The following SLC24A3 variants were observed in gnomAD, a reference collection of about 807,000 sequenced individuals.
SLC24A3 encodes the protein solute carrier family 24 member 3.
SLC24A3 carries 28 observed loss-of-function variants against 75.8 expected under a neutral mutation model. The ratio of observed to expected loss-of-function variants is 0.37; its 90% CI spans 0.27 to 0.51. SLC24A3 has a LOEUF of 0.51. Ranked by LOEUF, SLC24A3 falls within the 20% of genes least tolerant of loss-of-function variation. The pLI, the probability that SLC24A3 is intolerant of heterozygous loss-of-function variation, is 0.94. For missense variants in SLC24A3, 663 were observed against 847.8 expected, an observed-to-expected ratio of 0.78 and a Z score of 2.71; for synonymous variants, 372 against 334.1, an observed-to-expected ratio of 1.11 and a Z score of -1.24.
intron 2 of SLC24A3, among the ~76,000 whole-genome samples, chr20:19,369,048 A>G (rs929894822): frequency 4.6e-5 from 7 of 152,236 alleles, no homozygotes; most frequent in Admixed American, 3.3e-4. Context: ...TCATCATCAT[A>G]ATTGTTTCAA....
At position 19,307,262 on chromosome 20, in the gene SLC24A3, G is replaced by T. The variant is rs543390983; in HGVS notation, c.271+26175G>T. Among the ~76,000 whole-genome samples the T allele has an allele frequency of 1.2e-4, 19 of 152,204 alleles. 1 individual carries two copies. Among genetic ancestry groups the T allele is most frequent in the African/African-American group, 4.6e-4 (19 of 41,516 alleles). ...TCATGCCTAATATTTATAGTACCGG[G>T]TGTGTGATCAATGCTCAATCAATGG... On this transcript the variant is annotated intron_variant, in intron 2 of 16. Transcript: ENST00000328041.
rs576978201 is a variant in SLC24A3, at chr20:19,367,166, G to T, written c.271+86079G>T. Among the ~76,000 whole-genome samples the T allele has an allele frequency of 3.9e-5, 6 of 152,366 alleles. No individual in the cohort carries two copies. The South Asian group carries it at 6.2e-4, about 16-fold the overall frequency. Reference sequence around the variant, plus strand: ...CACATTTACATTTAAATGGCCACATGTAGCTAGTAGCTCCCAAGTTGGACA... The same window carrying T: ...CACATTTACATTTAAATGGCCACATTTAGCTAGTAGCTCCCAAGTTGGACA... On this transcript the variant is annotated intron_variant, in intron 2 of 16. Transcript: ENST00000328041.
intron 2 of SLC24A3, among the ~76,000 whole-genome samples, chr20:19,446,185 C>T (rs1987380516): frequency 6.6e-6 from 1 of 152,128 alleles, no homozygotes; most frequent in South Asian, 2.1e-4. Context: ...GCAAAGAAAG[C>T]TTATTTTGAG....
At position 19,654,070 on chromosome 20, in the gene SLC24A3, T is replaced by G; in HGVS notation, c.621T>G (p.Ala207=). ...VCGLFAGQVV[A]LSSWCLLRDS... The stretch of plus-strand genomic sequence containing the variant: ...TTTCCCTTGTCCTGCAGGTTGTGGC[T>G]CTTTCCTCCTGGTGCCTGCTGAGGG... The change falls in exon 7 of 17, where the codon GCT becomes GCG. Residue 207 remains alanine, a synonymous_variant. Coordinates refer to ENST00000328041, the MANE Select transcript of SLC24A3 (RefSeq NM_020689.4). The G allele has an allele frequency of 1.2e-6, 2 of 1,613,320 alleles. No individual in the cohort carries two copies. Among genetic ancestry groups the G allele is most frequent in the Non-Finnish European group, 1.7e-6 (2 of 1,179,344 alleles).
chr20:19,303,836 G>T (rs6035283), intron 2 of SLC24A3, among the ~76,000 whole-genome samples: 79,636 of 151,990 alleles, frequency 0.52, 23,031 homozygotes, highest in African/African-American at 0.77. Context: ...CCATTTTTGT[G>T]GTCACCATTA....
chr20:19,290,454 G>A (rs549209856), intron 2 of SLC24A3, among the ~76,000 whole-genome samples: 2 of 152,246 alleles, frequency 1.3e-5, no homozygotes, highest in South Asian at 4.1e-4. Flanking sequence ...CTCAGGAATA[G>A]GATTTAGTGT....
intron 2 of SLC24A3, among the ~76,000 whole-genome samples, chr20:19,321,785 C>T (rs1355167151): frequency 2.0e-5 from 3 of 152,108 alleles, no homozygotes; most frequent in Non-Finnish European, 4.4e-5. Context: ...TAATATATTC[C>T]TATATTCTTA....
At chr20:19,669,187 A>G (rs993105882) in intron 8 of SLC24A3, among the ~76,000 whole-genome samples, 1 of 152,160 alleles carries the variant, frequency 6.6e-6, no homozygotes, top group South Asian at 2.1e-4. Flanking sequence ...TTAGGTGCCT[A>G]TGTGCTAAAA....
At chr20:19,226,859 G>A (rs1029070096) in intron 1 of SLC24A3, among the ~76,000 whole-genome samples, 7 of 152,174 alleles carry the variant, frequency 4.6e-5, no homozygotes, top group Non-Finnish European at 1.0e-4. Flanking sequence ...CGTATCCTTT[G>A]ATTATGTCAT....
intron 6 of SLC24A3, among the ~76,000 whole-genome samples, chr20:19,589,914 G>T (rs1344278997): frequency 6.6e-6 from 1 of 152,002 alleles, no homozygotes; most frequent in Non-Finnish European, 1.5e-5. Flanking sequence ...ACATCAGTTG[G>T]TTATAAATTC....
intron 2 of SLC24A3, among the ~76,000 whole-genome samples, chr20:19,412,804 G>C (rs923719802): frequency 2.0e-5 from 3 of 152,140 alleles, no homozygotes; most frequent in Non-Finnish European, 4.4e-5. Flanking sequence ...CTTCATTTGT[G>C]CAGTAACAGC....
intron 2 of SLC24A3, among the ~76,000 whole-genome samples, chr20:19,456,348 G>A (rs1027972748): frequency 2.0e-5 from 3 of 152,108 alleles, no homozygotes; most frequent in Non-Finnish European, 2.9e-5. Flanking sequence ...AATCGTGGGG[G>A]CAGTTTCCCC....
chr20:19,640,749 C>T (rs535851308), intron 6 of SLC24A3, among the ~76,000 whole-genome samples: 1 of 152,266 alleles, frequency 6.6e-6, no homozygotes, highest in Admixed American at 6.5e-5. Context: ...GAATCTGTTT[C>T]AGAAATTATA....
intron 3 of SLC24A3, among the ~76,000 whole-genome samples, chr20:19,579,428 C>T (rs932531536): frequency 4.6e-5 from 7 of 152,192 alleles, no homozygotes; most frequent in African/African-American, 7.2e-5. Context: ...TTTATTTATT[C>T]CCTCATTCCA....
intron 3 of SLC24A3, among the ~76,000 whole-genome samples, chr20:19,526,805 A>T (rs6046159): frequency 0.88 from 133,846 of 152,214 alleles, 59,011 homozygotes; most frequent in Middle Eastern, 0.92. Context: ...GATTTTTCTA[A>T]AAAATGTGGA....
At chr20:19,561,582 T>C (rs1438691928) in intron 3 of SLC24A3, among the ~76,000 whole-genome samples, 3 of 152,170 alleles carry the variant, frequency 2.0e-5, no homozygotes, top group South Asian at 4.1e-4. Flanking sequence ...GAAGAACATA[T>C]GCAAGCTTCC....
At chr20:19,265,903 T>C (rs181088578) in intron 1 of SLC24A3, 62 of 153,206 alleles carry the variant, frequency 4.0e-4, no homozygotes, top group East Asian at 3.3e-3. Context: ...TGTGGGACTT[T>C]GGCCTTTAGT....
At chr20:19,218,315 C>T (rs1394514728) in intron 1 of SLC24A3, among the ~76,000 whole-genome samples, 2 of 152,134 alleles carry the variant, frequency 1.3e-5, no homozygotes, top group Non-Finnish European at 2.9e-5. Flanking sequence ...GATATCATTA[C>T]CCATTTCTCA....
At chr20:19,509,561 A>C (rs1988506687) in intron 2 of SLC24A3, among the ~76,000 whole-genome samples, 1 of 152,182 alleles carries the variant, frequency 6.6e-6, no homozygotes, top group Admixed American at 6.5e-5. Flanking sequence ...CATGCCCCAC[A>C]CACACCTGCA....
Sources: gnomAD v4.1 joint callset for allele counts (sites outside exome capture counted in the v4.1 genomes callset) on GRCh38, gnomAD v4.1.1 for gene constraint, MANE v1.5 for transcripts, NCBI Gene and HGNC (gene_info 2026-07-23, HGNC 2026-07-21) for gene names.